The following MICAL2 variants were observed in gnomAD, a reference collection of about 807,000 sequenced individuals.
MICAL2 encodes the protein [F-actin]-monooxygenase MICAL2.
Under a neutral mutation model 127.3 loss-of-function variants are expected in MICAL2, and 77 were observed. That is an observed-to-expected ratio of 0.60 (90% CI 0.50 to 0.73). The LOEUF (loss-of-function observed/expected upper bound fraction) is 0.73, where lower values mean the gene tolerates loss of function less well. Ranked by LOEUF, MICAL2 falls within the 30% of genes least tolerant of loss-of-function variation. MICAL2 has a pLI of 0.00. For missense variants in MICAL2, 1,351 were observed against 1,434.4 expected, an observed-to-expected ratio of 0.94 and a Z score of 0.94; for synonymous variants, 570 against 551.1, an observed-to-expected ratio of 1.03 and a Z score of -0.48.
At chr11:12,174,889 G>T (rs1272851086) in intron 3 of MICAL2, among the ~76,000 whole-genome samples, 1 of 152,196 alleles carries the variant, frequency 6.6e-6, no homozygotes, top group Non-Finnish European at 1.5e-5. Flanking sequence ...GGGAGGCCAA[G>T]GTGAGTAGAT....
intron 8 of MICAL2, among the ~76,000 whole-genome samples, chr11:12,219,847 A>G (rs546470122): frequency 2.0e-5 from 3 of 152,218 alleles, no homozygotes; most frequent in Non-Finnish European, 4.4e-5. Context: ...GCCCTGTTGA[A>G]ATTCCTACGT....
intron 2 of MICAL2, 35 bp from the exon 3 acceptor site, chr11:12,162,044 C>T (rs1854869757): frequency 6.7e-7 from 1 of 1,491,184 alleles, no homozygotes; most frequent in Admixed American, 1.9e-5. Flanking sequence ...ACCTCATCGT[C>T]CAAAGCTGAC....
Position 12,213,411 on chromosome 11 carries a change from G to T in MICAL2, c.847+1G>T. 1 of 1,612,916 alleles carries T rather than the reference G, an allele frequency of 6.2e-7. No individual in the cohort carries two copies. The highest frequency in any genetic ancestry group is 8.5e-7 in the Non-Finnish European group (1 of 1,179,352). ...TTTCAGGACCTTAAAGAAGAAACAG[G>T]TGGGACCTTCACCTTTCTCCCAACC... is the stretch of plus-strand genomic sequence containing the variant. On this transcript the variant is annotated splice_donor_variant, in intron 7 of 27. Coordinates refer to ENST00000683283, the MANE Select transcript of MICAL2 (RefSeq NM_001282663.2). LOFTEE classifies it high-confidence loss of function.
At chr11:12,224,295 A>G (rs1857152439) in intron 12 of MICAL2, 1 of 193,632 alleles carries the variant, frequency 5.2e-6, no homozygotes, top group African/African-American at 2.3e-5. Context: ...CTCCCAGCGC[A>G]GACTCAGGCA....
chr11:12,265,987 C>T (rs940806344), downstream of MICAL2, among the ~76,000 whole-genome samples: 2 of 152,040 alleles, frequency 1.3e-5, no homozygotes, highest in Admixed American at 1.3e-4. Flanking sequence ...TGGCACATGC[C>T]TTTAATTCCA....
At chr11:12,305,768 AT>A (rs1426913529) in intron 29 of MICAL2, among the ~76,000 whole-genome samples, 2 of 152,210 alleles carry the variant, frequency 1.3e-5, no homozygotes, top group African/African-American at 4.8e-5. Context: ...GACGTGATAC[AT>A]CCCTGAATTT....
At chr11:12,340,390 A>G (rs1430378845) in intron 32 of MICAL2, among the ~76,000 whole-genome samples, 1 of 152,218 alleles carries the variant, frequency 6.6e-6, no homozygotes, top group Non-Finnish European at 1.5e-5. Context: ...AATACTAAGC[A>G]TTTGGCAAGG....
chr11:12,292,067 C>A, downstream of MICAL2: 4 of 1,495,128 alleles, frequency 2.7e-6, no homozygotes, highest in Non-Finnish European at 3.6e-6. Flanking sequence ...AGAATTGGAG[C>A]TTCACTTAAA....
chr11:12,171,863 A>G (rs112497387), intron 3 of MICAL2, among the ~76,000 whole-genome samples: 7 of 152,250 alleles, frequency 4.6e-5, no homozygotes, highest in African/African-American at 1.7e-4. Flanking sequence ...GACGTGTTGA[A>G]ATTGTAATAA....
At chr11:12,242,490 C>T in intron 19 of MICAL2, 58 bp downstream of exon 19, 1 of 1,533,366 alleles carries the variant, frequency 6.5e-7, no homozygotes, top group Non-Finnish European at 8.9e-7. Flanking sequence ...CCTTTCTTCC[C>T]CTCCCTCCTC....
chr11:12,192,749 G>A (rs1859368785), intron 3 of MICAL2, among the ~76,000 whole-genome samples: 2 of 152,276 alleles, frequency 1.3e-5, no homozygotes, highest in African/African-American at 4.8e-5. Context: ...CTGCACTCCA[G>A]CCTGGGTGAC....
chr11:12,288,906 T>C (rs913775019), downstream of MICAL2, among the ~76,000 whole-genome samples: 1 of 152,210 alleles, frequency 6.6e-6, no homozygotes, highest in African/African-American at 2.4e-5. Flanking sequence ...TCTTTTTTAT[T>C]GTCTTTACTT....
At chr11:12,362,115 ATGGTTT>A (rs1939214026), downstream of MICAL2, among the ~76,000 whole-genome samples, 1 of 152,226 alleles carries the variant, frequency 6.6e-6, no homozygotes, top group African/African-American at 2.4e-5. Flanking sequence ...CCAAAAATAA[ATGGTTT>A]TGTGTCTCAG....
intron 29 of MICAL2, among the ~76,000 whole-genome samples, chr11:12,317,791 C>CAAA (rs34962883): frequency 2.3e-5 from 3 of 130,792 alleles, no homozygotes; most frequent in Admixed American, 7.7e-5. Flanking sequence ...GACTCCGTCT[C>CAAA]AAAAAAAAAA....
chr11:12,305,615 G>A (rs780997265), intron 29 of MICAL2, among the ~76,000 whole-genome samples: 5 of 152,152 alleles, frequency 3.3e-5, no homozygotes, highest in African/African-American at 4.8e-5. Context: ...TAAAAGTTGT[G>A]TGCCTGTGAC....
intron 3 of MICAL2, among the ~76,000 whole-genome samples, chr11:12,180,332 C>T (rs2403594): frequency 0.97 from 144,021 of 149,138 alleles, 69,753 homozygotes; most frequent in Non-Finnish European, 1. Flanking sequence ...TGTTTATATA[C>T]ATGTATATAT....
At chr11:12,124,096 T>C (rs940176268) in intron 1 of MICAL2, among the ~76,000 whole-genome samples, 1 of 152,132 alleles carries the variant, frequency 6.6e-6, no homozygotes, top group Non-Finnish European at 1.5e-5. Flanking sequence ...GCTTTAGAAT[T>C]TAAAGGCAGA....
At chr11:12,226,118 C>G (rs2270507) in intron 13 of MICAL2, 53 bp from the exon 14 acceptor site, 2 of 1,585,758 alleles carry the variant, frequency 1.3e-6, no homozygotes, top group Non-Finnish European at 1.7e-6. Flanking sequence ...GCTCAGCTCG[C>G]CACACCTCTG....
rs1862234643 is a variant in MICAL2 at position 12,255,675 on chromosome 11, G to A, written c.2880G>A (p.Gly960=). The A allele has an allele frequency of 1.2e-6, 2 of 1,613,798 alleles. No homozygotes were observed. The stretch of plus-strand genomic sequence containing the variant: ...TAGGGAAAGTGTCCAGCGGAATAGG[G>A]GCTGCAGCTGAAGTCCTGGTCAATC... ...LTVGKVSSGI[G]AAAEVLVNLY... The change falls in exon 23 of 28, where the codon GGG becomes GGA. Residue 960 remains glycine, a synonymous_variant. Coordinates refer to ENST00000683283, the MANE Select transcript of MICAL2 (RefSeq NM_001282663.2).
Sources: allele counts gnomAD v4.1 joint callset (sites outside exome capture counted in the v4.1 genomes callset), GRCh38; gene constraint gnomAD v4.1.1; transcripts MANE v1.5; gene names NCBI Gene and HGNC (gene_info 2026-07-23, HGNC 2026-07-21).